ST8SIA1: variants seen among roughly 807,000 people sequenced by gnomAD.
The protein encoded by ST8SIA1 is alpha-N-acetylneuraminide alpha-2,8-sialyltransferase.
In ST8SIA1, 16 loss-of-function variants were observed where a neutral mutation model predicts 35.9. The observed-to-expected ratio is 0.45, with a 90% CI of 0.30 to 0.68. The LOEUF (loss-of-function observed/expected upper bound fraction) is 0.68, where lower values mean the gene tolerates loss of function less well. Among genes scored for constraint, ST8SIA1 ranks in the 30% least tolerant of loss-of-function variants. The pLI is 0.09. For synonymous variants in ST8SIA1, 170 were observed against 169.6 expected, an observed-to-expected ratio of 1.00 and a Z score of -0.02; for missense variants, 383 against 453.6, an observed-to-expected ratio of 0.84 and a Z score of 1.41.
At chr12:22,284,156 G>A (rs1866067661) in intron 2 of ST8SIA1, among the ~76,000 whole-genome samples, 2 of 150,060 alleles carry the variant, frequency 1.3e-5, no homozygotes, top group South Asian at 4.2e-4. Flanking sequence ...TTCTTACACT[G>A]CATCTTTGTA....
Position 22,218,025 on chromosome 12 carries a change from C to T in ST8SIA1, c.585-15987G>A, listed in dbSNP as rs1440335960. Among the ~76,000 whole-genome samples, 18 of 152,238 alleles carry T rather than the reference C, an allele frequency of 1.2e-4. No individual in the cohort carries two copies. The South Asian group carries it at 3.5e-3, about 30-fold the overall frequency. On this transcript the variant is annotated intron_variant, in intron 4 of 4. Coordinates refer to ENST00000396037, the MANE Select transcript of ST8SIA1 (RefSeq NM_003034.4). ...ACTGACATTCCAAACTGTCAGTGAACACTTAGAAATAACAAGAAATAGGCC... is the reference window on the plus strand; with the variant it reads ...ACTGACATTCCAAACTGTCAGTGAATACTTAGAAATAACAAGAAATAGGCC...
chr12:22,258,255 G>A (rs747984380), intron 2 of ST8SIA1, among the ~76,000 whole-genome samples: 1 of 152,088 alleles, frequency 6.6e-6, no homozygotes, highest in African/African-American at 2.4e-5. Flanking sequence ...TCTGGGGAAC[G>A]ATTTGGAGTT....
chr12:22,301,400 CTTTGT>C (rs1866317269), intron 1 of ST8SIA1, among the ~76,000 whole-genome samples: 2 of 148,992 alleles, frequency 1.3e-5, no homozygotes, highest in Non-Finnish European at 3.0e-5. Flanking sequence ...GTTGCTGATC[CTTTGT>C]TTTGTTTTTC....
chr12:22,230,286 A>G (rs1159106668), intron 4 of ST8SIA1, among the ~76,000 whole-genome samples: 1 of 152,164 alleles, frequency 6.6e-6, no homozygotes, highest in Non-Finnish European at 1.5e-5. Flanking sequence ...TGACATGTAA[A>G]CCATGAAAAA....
chr12:22,231,479 G>C (rs1029717324), intron 4 of ST8SIA1, among the ~76,000 whole-genome samples: 1 of 151,896 alleles, frequency 6.6e-6, no homozygotes. Context: ...GAAAATGCCT[G>C]GCTAGAATAA....
chr12:22,201,507 C>A lies in ST8SIA1; in HGVS notation c.*45G>T. The A allele has an allele frequency of 6.5e-7, 1 of 1,537,182 alleles. No homozygotes were observed. The highest frequency in any genetic ancestry group is 8.7e-7 in the Non-Finnish European group (1 of 1,146,608). On this transcript the variant is annotated 3_prime_UTR_variant, in exon 5 of 5. Coordinates refer to ENST00000396037, the MANE Select transcript of ST8SIA1 (RefSeq NM_003034.4). ...TTCCCTCTTGGAGTCACATAGAAAA[C>A]CTAACAAAAATACCCTGGTTCAGTC...
At chr12:22,277,480 C>A (rs1013500545) in intron 2 of ST8SIA1, among the ~76,000 whole-genome samples, 2 of 151,206 alleles carry the variant, frequency 1.3e-5, no homozygotes, top group Non-Finnish European at 2.9e-5. Flanking sequence ...AATTCTCCTG[C>A]CCCAGCCTCC....
chr12:22,293,715 TGCTTCA>T lies in ST8SIA1; in HGVS notation c.237-6428_237-6423del, dbSNP rs1161313170. On this transcript the variant is annotated intron_variant, in intron 1 of 4. Transcript: ENST00000396037. ...TAGTTAGAGACAATACAACTTTGTT[TGCTTCA>T]CACAATATCAGTTTATAAATTTTTT... Among the ~76,000 whole-genome samples the T allele has an allele frequency of 3.3e-5, 5 of 152,240 alleles. No individual in the cohort carries two copies. In the East Asian group the frequency reaches 5.8e-4, roughly 18 times the overall value.
In ST8SIA1 at chr12:22,201,900, A is replaced by G. The variant is rs750962496; in HGVS notation, c.723T>C (p.Asp241=). Residue 241 remains aspartate (D), a synonymous_variant, in exon 5 of 5, where the codon GAT becomes GAC. Coordinates refer to ENST00000396037, the MANE Select transcript of ST8SIA1 (RefSeq NM_003034.4). ...ACAGCACTGTTTGATTGGCACCAAC[A>G]TCTGACAGTGTATAATAAACCCTCA... ...PSLRVYYTLS[D]VGANQTVLFA... The G allele has an allele frequency of 5.0e-6, 8 of 1,614,068 alleles. No individual in the cohort carries two copies. The highest frequency in any genetic ancestry group is 1.7e-5 in the Admixed American group (1 of 60,000).
chr12:22,333,253 G>A (rs1866792358), intron 1 of ST8SIA1, among the ~76,000 whole-genome samples: 1 of 152,142 alleles, frequency 6.6e-6, no homozygotes, highest in African/African-American at 2.4e-5. Flanking sequence ...CCATCTTCCA[G>A]AGGCATCCAC....
rs551196956 is a variant in ST8SIA1 at position 22,276,447 on chromosome 12, G to A, written c.381+10702C>T. Among the ~76,000 whole-genome samples, 602 of 152,262 alleles carry A rather than the reference G, an allele frequency of 4.0e-3. 6 individuals are homozygous for A. Among genetic ancestry groups the A allele is most frequent in the Middle Eastern group, 0.027 (8 of 294 alleles). On this transcript the variant is annotated intron_variant, in intron 2 of 4. Coordinates refer to ENST00000396037, the MANE Select transcript of ST8SIA1 (RefSeq NM_003034.4). ...GGGGCTGAGAGCACCCCCCAAACAC[G>A]CAAGCTCTCAGCCATGGGCAGCTTC... is the stretch of plus-strand genomic sequence containing the variant.
At chr12:22,320,999 GAAAGAAGA>G (rs1164824781) in intron 1 of ST8SIA1, among the ~76,000 whole-genome samples, 62 of 93,646 alleles carry the variant, frequency 6.6e-4, no homozygotes, top group South Asian at 2.6e-3. Context: ...AAGAAAGAAA[GAAAGAAGA>G]AAGAAAGAAA....
At chr12:22,289,370 G>A (rs1425566864) in intron 1 of ST8SIA1, among the ~76,000 whole-genome samples, 2 of 151,990 alleles carry the variant, frequency 1.3e-5, no homozygotes, top group East Asian at 3.9e-4. Flanking sequence ...ACTTGCTCAG[G>A]CCACACAGGG....
intron 4 of ST8SIA1, among the ~76,000 whole-genome samples, chr12:22,203,683 C>G (rs1231436119): frequency 6.6e-6 from 1 of 152,140 alleles, no homozygotes; most frequent in African/African-American, 2.4e-5. Flanking sequence ...ATATCTGGAG[C>G]TGGGCCAGCC....
Position 22,246,239 on chromosome 12 carries a change from G to A in ST8SIA1, c.584+2767C>T, listed in dbSNP as rs145127967. 1.1e-4 allele frequency among the ~76,000 whole-genome samples: 16 copies of A among 152,262 alleles called. No individual in the cohort carries two copies. The East Asian group carries it at 3.1e-3, about 30-fold the overall frequency. On this transcript the variant is annotated intron_variant, in intron 4 of 4. Transcript: ENST00000396037. ...ACTATCTGTAGATAGTGTTGGAATTGAGTTGGAGATACCCCGCTGGTGTCT... is the reference window on the plus strand; with the variant it reads ...ACTATCTGTAGATAGTGTTGGAATTAAGTTGGAGATACCCCGCTGGTGTCT...
intron 2 of ST8SIA1, among the ~76,000 whole-genome samples, chr12:22,276,304 C>T (rs1865968068): frequency 6.6e-6 from 1 of 152,212 alleles, no homozygotes; most frequent in Admixed American, 6.5e-5. Context: ...TCCTCTTTGC[C>T]ATAAAGACCC....
intron 4 of ST8SIA1, among the ~76,000 whole-genome samples, chr12:22,235,030 T>C (rs1048561082): frequency 2.6e-5 from 4 of 152,214 alleles, no homozygotes; most frequent in Non-Finnish European, 5.9e-5. Flanking sequence ...TTAGTGTGTG[T>C]ATGTGCACGT....
intron 4 of ST8SIA1, chr12:22,223,856 T>C (rs1439516058): frequency 2.7e-6 from 3 of 1,098,694 alleles, no homozygotes; most frequent in African/African-American, 1.7e-5. Flanking sequence ...ATGTTTCTAA[T>C]TGTGCAAAAT....
At chr12:22,311,929 G>A (rs775475216) in intron 1 of ST8SIA1, among the ~76,000 whole-genome samples, 6 of 152,128 alleles carry the variant, frequency 3.9e-5, no homozygotes, top group Non-Finnish European at 8.8e-5. Context: ...AAGGATGAAG[G>A]TGACTGTCAA....
Sources: allele counts gnomAD v4.1 joint callset (sites outside exome capture counted in the v4.1 genomes callset), GRCh38; gene constraint gnomAD v4.1.1; transcripts MANE v1.5; gene names NCBI Gene and HGNC (gene_info 2026-07-23, HGNC 2026-07-21).